Variants in DCHS2 observed in about 807,000 individuals in gnomAD.
The protein encoded by DCHS2 is protocadherin-23.
DCHS2 carries 142 observed loss-of-function variants against 182.4 expected under a neutral mutation model. The observed-to-expected ratio is 0.78, with a 90% CI of 0.68 to 0.89. DCHS2 has a LOEUF of 0.89. Ranked by LOEUF, DCHS2 falls within the 40% of genes least tolerant of loss-of-function variation. The pLI is 0.00. For synonymous variants in DCHS2, 1,740 were observed against 1,663.3 expected, an observed-to-expected ratio of 1.05 and a Z score of -1.12; for missense variants, 4,319 against 4,198.6, an observed-to-expected ratio of 1.03 and a Z score of -0.79.
chr4:154,340,052 A>C lies in DCHS2; in HGVS notation c.2477-4948T>G, dbSNP rs1030810404. Among the ~76,000 whole-genome samples, 6 of 152,296 alleles carry C rather than the reference A, an allele frequency of 3.9e-5. No individual in the cohort carries two copies. The East Asian group carries it at 7.7e-4, about 20-fold the overall frequency. The stretch of plus-strand genomic sequence containing the variant: ...GTAAATGAAAAAATATATTTTAAAG[A>C]TATTCAGAAAAAGAAGATATGTTTG... On this transcript the variant is annotated intron_variant, in intron 3 of 19. Transcript: ENST00000357232.
intron 13 of DCHS2, among the ~76,000 whole-genome samples, chr4:154,271,819 A>C (rs1174079367): frequency 1.3e-5 from 2 of 152,188 alleles, no homozygotes; most frequent in Non-Finnish European, 2.9e-5. Context: ...AGTTCTATGA[A>C]TCTTGAAAAT....
intron 19 of DCHS2, 40 bp downstream of exon 19, chr4:154,239,130 C>T (rs570479103): frequency 2.5e-6 from 4 of 1,583,826 alleles, no homozygotes; most frequent in Admixed American, 3.7e-5. Context: ...TACTTTGAAA[C>T]CCAAACCTAT....
chr4:154,366,978 C>G (rs1202948766), intron 2 of DCHS2, among the ~76,000 whole-genome samples: 2 of 152,072 alleles, frequency 1.3e-5, no homozygotes, highest in Non-Finnish European at 2.9e-5. Context: ...AGGAAGGTAC[C>G]ATTGGTGTGC....
In DCHS2 at chr4:154,332,604, C is replaced by G; in HGVS notation, c.3604G>C (p.Glu1202Gln). 6.2e-7 allele frequency: 1 copy of G among 1,614,226 alleles called. No homozygotes were observed. Among genetic ancestry groups the G allele is most frequent in the African/African-American group, 1.3e-5 (1 of 75,052 alleles). The change falls in exon 5 of 20, where the codon GAG becomes CAG. Residue 1202 changes from glutamate (E) to glutamine (Q), a missense_variant. Glu to Gln is a conservative substitution (Grantham distance 29). Transcript: ENST00000357232. Reference sequence around the variant, plus strand: ...ATTACCCCTTGGGGAACAGGGCTCTCTTCGACTTTCAAAAACAACACATCA... The same window carrying G: ...ATTACCCCTTGGGGAACAGGGCTCTGTTCGACTTTCAAAAACAACACATCA... ...LHDVLFLKVE[E>Q]SPVPQGVIGK...
chr4:154,239,227 T>G lies in DCHS2; in HGVS notation c.7435A>C (p.Asn2479His). 6.2e-7 allele frequency: 1 copy of G among 1,613,552 alleles called. No homozygotes were observed. Among genetic ancestry groups the G allele is most frequent in the Non-Finnish European group, 8.5e-7 (1 of 1,179,714 alleles). The change falls in exon 19 of 20, where the codon AAC becomes CAC. Residue 2479 changes from asparagine to histidine, a missense_variant. By Grantham distance (68) the Asn-to-His change is moderately conservative (BLOSUM62 1). Coordinates refer to ENST00000357232, the MANE Select transcript of DCHS2 (RefSeq NM_001358235.2). ...GAGGATAGAATTCTGTAAGAAATGTTCTCATTGCTTTCTAAGTCTGTGGCT... is the reference window on the plus strand; with the variant it reads ...GAGGATAGAATTCTGTAAGAAATGTGCTCATTGCTTTCTAAGTCTGTGGCT... ...LSATDLESNENISYRILSSSK... is the reference protein window; with the variant it reads ...LSATDLESNEHISYRILSSSK...
At chr4:154,423,035 C>A (rs969104236) in intron 1 of DCHS2, among the ~76,000 whole-genome samples, 2 of 152,164 alleles carry the variant, frequency 1.3e-5, no homozygotes, top group African/African-American at 4.8e-5. Flanking sequence ...TGAAATATAA[C>A]TCACATACCA....
chr4:154,255,189 G>A (rs984431724), intron 16 of DCHS2, among the ~76,000 whole-genome samples: 6 of 152,140 alleles, frequency 3.9e-5, no homozygotes, highest in Non-Finnish European at 8.8e-5. Flanking sequence ...CACCTGCAGA[G>A]GGCTCTCTAG....
At chr4:154,442,527 A>AC (rs781744254) in intron 1 of DCHS2, among the ~76,000 whole-genome samples, 34 of 50,434 alleles carry the variant, frequency 6.7e-4, no homozygotes, top group African/African-American at 2.2e-3. Context: ...TGAAAAGTGG[A>AC]CACCCCCCCC....
intron 10 of DCHS2, among the ~76,000 whole-genome samples, chr4:154,314,016 C>A (rs1735761513): frequency 6.6e-6 from 1 of 152,090 alleles, no homozygotes; most frequent in Admixed American, 6.6e-5. Flanking sequence ...TGGTAATTTT[C>A]TTTGGTTAAT....
chr4:154,417,194 TGTGTGTGTGTGA>T (rs1560745732), intron 1 of DCHS2, among the ~76,000 whole-genome samples: 7 of 91,504 alleles, frequency 7.6e-5, no homozygotes, highest in African/African-American at 1.6e-4. Flanking sequence ...TGTGTGTGTG[TGTGTGTGTGTGA>T]GAGAGAGAGA....
At chr4:154,427,369 G>A (rs1201677673) in intron 1 of DCHS2, among the ~76,000 whole-genome samples, 2 of 152,160 alleles carry the variant, frequency 1.3e-5, no homozygotes, top group Non-Finnish European at 2.9e-5. Context: ...TTAAAACAAG[G>A]CAAACGCCGA....
chr4:154,482,989 C>T (rs1263177183), intron 1 of DCHS2, among the ~76,000 whole-genome samples: 3 of 152,156 alleles, frequency 2.0e-5, no homozygotes, highest in Non-Finnish European at 4.4e-5. Flanking sequence ...AATTACTCAA[C>T]AGAATTGAGG....
At chr4:154,431,190 T>C (rs1733544277) in intron 1 of DCHS2, among the ~76,000 whole-genome samples, 1 of 152,000 alleles carries the variant, frequency 6.6e-6, no homozygotes, top group Admixed American at 6.6e-5. Context: ...AAAACTAGAG[T>C]GAACAGACCT....
intron 10 of DCHS2, among the ~76,000 whole-genome samples, chr4:154,309,396 T>C (rs895937572): frequency 4.6e-5 from 7 of 152,192 alleles, no homozygotes; most frequent in Non-Finnish European, 8.8e-5. Flanking sequence ...CCTACTGTCG[T>C]CATCAGCAAT....
chr4:154,427,478 G>A (rs991835484), intron 1 of DCHS2, among the ~76,000 whole-genome samples: 6 of 152,120 alleles, frequency 3.9e-5, no homozygotes, highest in East Asian at 1.9e-4. Context: ...ACTATTGCCC[G>A]ACCACGCAGC....
chr4:154,362,980 G>A (rs939464085), intron 3 of DCHS2, among the ~76,000 whole-genome samples: 2 of 152,174 alleles, frequency 1.3e-5, no homozygotes, highest in Non-Finnish European at 2.9e-5. Context: ...TAGCAGTTAA[G>A]TTTTGGGGGA....
intron 3 of DCHS2, among the ~76,000 whole-genome samples, chr4:154,348,436 A>G (rs1235721304): frequency 6.6e-6 from 1 of 151,986 alleles, no homozygotes; most frequent in African/African-American, 2.4e-5. Context: ...ACATAATTTT[A>G]GAAAGGTAAT....
chr4:154,240,965 T>C lies in DCHS2; in HGVS notation c.7073-142A>G. The C allele has an allele frequency of 1.1e-5, 15 of 1,320,136 alleles. No individual in the cohort carries two copies. In the South Asian group the frequency reaches 2.0e-4, roughly 18 times the overall value. The allele number at this position is 1,320,136 out of a possible 1,614,324, so 81.8% of individuals were successfully genotyped here. A position where few individuals can be genotyped will look rare whatever the true frequency, so the allele number is the denominator to read the frequency against. ...GGCTTGATTTCTCATACAAAGCTCA[T>C]TATGCACTGAACAAAAACTCTGAAG... On this transcript the variant is annotated intron_variant, in intron 17 of 19. Coordinates refer to ENST00000357232, the MANE Select transcript of DCHS2 (RefSeq NM_001358235.2).
chr4:154,239,032 A>C, intron 19 of DCHS2, 138 bp downstream of exon 19: 1 of 1,162,622 alleles, frequency 8.6e-7, no homozygotes. Context: ...TGTGAAGAGT[A>C]ATGAAACAGT....
Sources: allele counts gnomAD v4.1 joint callset (sites outside exome capture counted in the v4.1 genomes callset), GRCh38; gene constraint gnomAD v4.1.1; transcripts MANE v1.5; gene names NCBI Gene and HGNC (gene_info 2026-07-23, HGNC 2026-07-21).